Variants in TCF4 observed in about 807,000 individuals in gnomAD.
TCF4 encodes SL3-3 enhancer factor 2.
TCF4 carries 3 observed loss-of-function variants against 82.1 expected under a neutral mutation model. The observed-to-expected ratio is 0.04, with a 90% CI of 0.02 to 0.09. The LOEUF (loss-of-function observed/expected upper bound fraction) is 0.09, where lower values mean the gene tolerates loss of function less well. TCF4 is among the 10% of genes least tolerant of loss of function. The probability of loss-of-function intolerance (pLI) is 1.00; values close to 1 mark genes in which losing one functional copy is unlikely to be tolerated. For synonymous variants in TCF4, 276 were observed against 309.6 expected (o/e 0.89, Z 1.14); for missense variants, 518 against 852.7 (o/e 0.61, Z 4.89).
chr18:55,227,094 C>T lies in TCF4; in HGVS notation c.*941G>A, dbSNP rs1486046840. On this transcript the variant is annotated 3_prime_UTR_variant, in exon 20 of 20. Transcript: ENST00000354452. ...CTACACATGATGTGACTTTTAAGTCCTGTGTTCCCAAAAGACTGGAGAAAC... is the reference window on the plus strand; with the variant it reads ...CTACACATGATGTGACTTTTAAGTCTTGTGTTCCCAAAAGACTGGAGAAAC... 6.6e-6 allele frequency: 1 copy of T among 152,418 alleles called. No homozygotes were observed. Among genetic ancestry groups the T allele is most frequent in the African/African-American group, 2.4e-5 (1 of 41,378 alleles). 9.4% of individuals were successfully genotyped at this position (152,418 alleles called of 1,614,324 possible).
chr18:55,634,061 G>T (rs2148008838), intron 1 of TCF4, among the ~76,000 whole-genome samples: 1 of 152,302 alleles, frequency 6.6e-6, no homozygotes, highest in Non-Finnish European at 1.5e-5. Flanking sequence ...CTGAGGTCAG[G>T]AGTTCAAGAC....
intron 5 of TCF4, chr18:55,422,145 A>C (rs1172326028): frequency 3.3e-6 from 3 of 918,100 alleles, no homozygotes; most frequent in South Asian, 5.2e-5. Flanking sequence ...AAAAAAAAAA[A>C]AAACCCACCC....
chr18:55,241,393 A>G (rs979256678), intron 15 of TCF4, among the ~76,000 whole-genome samples: 1 of 152,260 alleles, frequency 6.6e-6, no homozygotes, highest in African/African-American at 2.4e-5. Flanking sequence ...TCCACATAGC[A>G]GGCTAGTAAG....
chr18:55,559,434 C>T (rs1336660944), intron 3 of TCF4, among the ~76,000 whole-genome samples: 1 of 151,916 alleles, frequency 6.6e-6, no homozygotes, highest in Non-Finnish European at 1.5e-5. Context: ...GATACTTAAA[C>T]CGAATCATGA....
intron 3 of TCF4, among the ~76,000 whole-genome samples, chr18:55,477,982 G>A (rs1389006215): frequency 6.6e-6 from 1 of 152,126 alleles, no homozygotes; most frequent in East Asian, 1.9e-4. Flanking sequence ...TTCAGTAAGT[G>A]GAATGGTAAA....
At chr18:55,323,132 C>CAA (rs2075995632) in intron 8 of TCF4, among the ~76,000 whole-genome samples, 1 of 150,758 alleles carries the variant, frequency 6.6e-6, no homozygotes, top group Non-Finnish European at 1.5e-5. Flanking sequence ...GGGGGAGGTA[C>CAA]AAAAAAAGGA....
intron 5 of TCF4, among the ~76,000 whole-genome samples, chr18:55,430,862 C>T (rs1057069052): frequency 2.0e-5 from 3 of 152,122 alleles, no homozygotes; most frequent in African/African-American, 2.4e-5. Flanking sequence ...ACACATAGGC[C>T]TGAAGTGGGT....
chr18:55,578,393 T>C (rs2097547852), intron 3 of TCF4, among the ~76,000 whole-genome samples: 1 of 152,072 alleles, frequency 6.6e-6, no homozygotes, highest in African/African-American at 2.4e-5. Context: ...AATAACCAAC[T>C]GCATGATTTG....
upstream of TCF4, among the ~76,000 whole-genome samples, chr18:55,588,840 G>GA (rs879803383): frequency 5.0e-3 from 712 of 141,482 alleles, 3 homozygotes; most frequent in South Asian, 0.024. Context: ...TGCAAACTTC[G>GA]AAAAAAAAAA....
intron 5 of TCF4, among the ~76,000 whole-genome samples, chr18:55,437,106 C>G (rs190199329): frequency 6.6e-6 from 1 of 152,338 alleles, no homozygotes; most frequent in African/African-American, 2.4e-5. Context: ...GTTGCTTGGT[C>G]TTAGCTACAC....
intron 5 of TCF4, among the ~76,000 whole-genome samples, chr18:55,424,726 T>C (rs1476317860): frequency 6.6e-6 from 1 of 152,238 alleles, no homozygotes; most frequent in East Asian, 1.9e-4. Context: ...TATTTAATCA[T>C]GTCTTCTTCC....
intron 8 of TCF4, among the ~76,000 whole-genome samples, chr18:55,317,482 A>C (rs778651970): frequency 6.6e-6 from 1 of 152,088 alleles, no homozygotes; most frequent in African/African-American, 2.4e-5. Flanking sequence ...TTTAAAACCC[A>C]GTGGCTACCT....
chr18:55,618,113 C>A (rs2097714011), intron 2 of TCF4, among the ~76,000 whole-genome samples: 1 of 152,022 alleles, frequency 6.6e-6, no homozygotes, highest in African/African-American at 2.4e-5. Flanking sequence ...TATGTTGTGG[C>A]AAATTCCTTC....
intron 5 of TCF4, among the ~76,000 whole-genome samples, chr18:55,435,661 G>T (rs1042671760): frequency 6.6e-6 from 1 of 152,162 alleles, no homozygotes; most frequent in Admixed American, 6.5e-5. Flanking sequence ...AAGGAGAAAT[G>T]CACAGTCCTC....
At chr18:55,370,923 G>C (rs2088946321) in intron 6 of TCF4, among the ~76,000 whole-genome samples, 1 of 152,166 alleles carries the variant, frequency 6.6e-6, no homozygotes, top group Non-Finnish European at 1.5e-5. Context: ...CAAAGTTTTT[G>C]AGAATGTTTT....
chr18:55,615,708 T>C (rs1183664548), intron 2 of TCF4, among the ~76,000 whole-genome samples: 2 of 152,114 alleles, frequency 1.3e-5, no homozygotes, highest in African/African-American at 4.8e-5. Context: ...TATTTTTAGT[T>C]TGCTGGGGAG....
chr18:55,572,063 A>G (rs892199849), intron 3 of TCF4, among the ~76,000 whole-genome samples: 9 of 152,128 alleles, frequency 5.9e-5, no homozygotes, highest in African/African-American at 2.2e-4. Flanking sequence ...CTATGCTACC[A>G]ATTCACCTGC....
intron 3 of TCF4, among the ~76,000 whole-genome samples, chr18:55,494,390 C>T (rs2096609880): frequency 6.6e-6 from 1 of 151,782 alleles, no homozygotes; most frequent in Non-Finnish European, 1.5e-5. Context: ...AAAGGGACTT[C>T]TCAGCTAAAT....
At chr18:55,326,085 G>A (rs1054073849) in intron 8 of TCF4, among the ~76,000 whole-genome samples, 1 of 152,118 alleles carries the variant, frequency 6.6e-6, no homozygotes, top group African/African-American at 2.4e-5. Context: ...ATCCTTAGAT[G>A]ACATTTTATA....
Sources: gnomAD v4.1 joint callset for allele counts (sites outside exome capture counted in the v4.1 genomes callset) on GRCh38, gnomAD v4.1.1 for gene constraint, MANE v1.5 for transcripts, NCBI Gene and HGNC (gene_info 2026-07-23, HGNC 2026-07-21) for gene names.